Variants in CEP295 observed in about 807,000 individuals in gnomAD.
The protein encoded by CEP295 is centrosomal protein 295, also known as centrosomal protein of 295 kDa.
Under a neutral mutation model 291.6 loss-of-function variants are expected in CEP295, and 190 were observed. The observed-to-expected ratio is 0.65, with a 90% CI of 0.58 to 0.73. The LOEUF (loss-of-function observed/expected upper bound fraction) is 0.73. CEP295 is among the 30% of genes least tolerant of loss of function. The pLI, the probability that CEP295 is intolerant of heterozygous loss-of-function variation, is 0.00. For synonymous variants in CEP295, 993 were observed against 1,038.8 expected (o/e 0.96, Z 0.85); for missense variants, 2,863 against 2,949.4 (o/e 0.97, Z 0.68).
chr11:93,728,956 T>C, intron 25 of CEP295, 135 bp downstream of exon 25: 1 of 707,606 alleles, frequency 1.4e-6, no homozygotes, highest in Non-Finnish European at 2.2e-6. Context: ...CCACCAGCTC[T>C]CAATTTGTCT....
rs1233766685 is a variant in CEP295, at chr11:93,729,977, TA to T, written c.7667+10del. On this transcript the variant is annotated intron_variant, in intron 28 of 29. Coordinates refer to ENST00000325212, the MANE Select transcript of CEP295 (RefSeq NM_033395.2). ...GCACCAAAGGGGTCTAAGGTAGGGT[TA>T]ATTTTTTTTTTTTTTTTAGTGATTC... 4.7e-6 allele frequency: 7 copies of T among 1,487,706 alleles called. No individual in the cohort carries two copies. In the African/African-American group the frequency reaches 7.8e-5, roughly 17 times the overall value. 92.2% of individuals were successfully genotyped at this position (1,487,706 alleles called of 1,614,324 possible).
intron 18 of CEP295, among the ~76,000 whole-genome samples, chr11:93,720,489 A>AAAAAAG (rs34039567): frequency 0.34 from 41,582 of 121,232 alleles, 10,670 homozygotes; most frequent in South Asian, 0.48. Context: ...AAAAAAAAAA[A>AAAAAAG]ACTGTCTCTA....
rs1951315196 is a variant in CEP295, at chr11:93,687,723, A to G, written c.1194A>G (p.Lys398=). The change falls in exon 10 of 30, where the codon AAA becomes AAG. Residue 398 remains lysine, a synonymous_variant. Coordinates refer to ENST00000325212, the MANE Select transcript of CEP295 (RefSeq NM_033395.2). ...TATTAAATAAGATCCGAAGCCAAAA[A>G]TCTCTCTGGACAATTAAATCTATGT... The part of the protein sequence containing the change: ...KKLLNKIRSQ[K]SLWTIKSMSE... 3.2e-6 allele frequency: 5 copies of G among 1,549,474 alleles called. No homozygotes were observed. Among genetic ancestry groups the G allele is most frequent in the African/African-American group, 1.4e-5 (1 of 73,000 alleles).
At chr11:93,704,670 G>C in intron 17 of CEP295, among the ~76,000 whole-genome samples, 1 of 152,078 alleles carries the variant, frequency 6.6e-6, no homozygotes, top group Non-Finnish European at 1.5e-5. Flanking sequence ...AAGTGTCATT[G>C]GTTTGGTAAA....
intron 19 of CEP295, 140 bp downstream of exon 19, chr11:93,721,552 G>T (rs1953713553): frequency 1.3e-6 from 1 of 775,748 alleles, no homozygotes; most frequent in East Asian, 2.4e-5. Context: ...GATCAATGAT[G>T]AAACTAGCCA....
chr11:93,681,403 ATTTTTTTT>A (rs71064773), intron 7 of CEP295, among the ~76,000 whole-genome samples: 5 of 36,532 alleles, frequency 1.4e-4, no homozygotes, highest in Non-Finnish European at 1.7e-4. Flanking sequence ...CACCCAGCTA[ATTTTTTTT>A]TTTTTTTTTT....
At chr11:93,719,166 A>G (rs1953497565) in intron 18 of CEP295, among the ~76,000 whole-genome samples, 1 of 151,282 alleles carries the variant, frequency 6.6e-6, no homozygotes, top group Non-Finnish European at 1.5e-5. Flanking sequence ...ATCATAATAT[A>G]TATTATTTTA....
At position 93,696,846 on chromosome 11, in the gene CEP295, G is replaced by A. The variant is rs1391402773; in HGVS notation, c.1934G>A (p.Trp645Ter). The stretch of plus-strand genomic sequence containing the variant: ...AGACCGACTGCTATATCAGAGCATT[G>A]GGATCAAGGTCAGAGACTCAAGTTG... ...SERPTAISEHWDQGQRLKLSP... is the reference protein window; with the variant it reads ...SERPTAISEH The change falls in exon 15 of 30, where the codon TGG becomes TAG. Residue 645 changes from tryptophan (W) to a stop codon, truncating the protein, a stop_gained. Coordinates refer to ENST00000325212, the MANE Select transcript of CEP295 (RefSeq NM_033395.2). LOFTEE classifies it high-confidence loss of function. The A allele has an allele frequency of 6.4e-7, 1 of 1,551,492 alleles. No individual in the cohort carries two copies.
At chr11:93,690,195 A>G (rs1305715454) in intron 10 of CEP295, among the ~76,000 whole-genome samples, 2 of 152,228 alleles carry the variant, frequency 1.3e-5, no homozygotes, top group Non-Finnish European at 2.9e-5. Context: ...GCAGATGACG[A>G]GGTCAGGAGG....
At chr11:93,721,664 T>TGG (rs781362880) in intron 19 of CEP295, 16 of 629,730 alleles carry the variant, frequency 2.5e-5, no homozygotes, top group East Asian at 1.2e-4. Flanking sequence ...GGCATATGTC[T>TGG]GGTGTGTGTG....
At position 93,727,036 on chromosome 11, in the gene CEP295, A is replaced by C; in HGVS notation, c.6560A>C (p.His2187Pro). 6.4e-7 allele frequency: 1 copy of C among 1,551,210 alleles called. No individual in the cohort carries two copies. Among genetic ancestry groups the C allele is most frequent in the Non-Finnish European group, 8.7e-7 (1 of 1,146,734 alleles). Residue 2187 changes from histidine to proline, a missense_variant, in exon 24 of 30, where the codon CAT becomes CCT. Around this residue, in one of 3 missense-constraint regions of CEP295, gnomAD observed 2,295 missense variants for 2,335.7 expected, o/e 0.98. Coordinates refer to ENST00000325212, the MANE Select transcript of CEP295 (RefSeq NM_033395.2). ...TATTCTTCACAGGAGGAGAGCCAGC[A>C]TGCTGATCTACCAAGTATTTTTAGC... ...PEYSSQEESQ[H>P]ADLPSIFSIE...
chr11:93,699,952 C>A lies in CEP295; in HGVS notation c.5040C>A (p.Ala1680=), dbSNP rs556466157. The change falls in exon 15 of 30, where the codon GCC becomes GCA. Residue 1680 remains alanine, a synonymous_variant. Transcript: ENST00000325212. ...ATTCATCCCAGAATGAACATGCAGC[C>A]CCCCCAAGTAATCCTGTGATCCCAG... ...ELYSSQNEHA[A]PPSNPVIPGF... is the part of the protein sequence containing the mutation. 30 of 1,551,508 alleles carry A rather than the reference C, an allele frequency of 1.9e-5. No homozygotes were observed. The highest frequency in any genetic ancestry group is 2.4e-5 in the East Asian group (1 of 40,918).
intron 24 of CEP295, 124 bp from the exon 25 acceptor site, chr11:93,728,557 G>A: frequency 1.4e-6 from 1 of 701,602 alleles, no homozygotes; most frequent in South Asian, 2.4e-5. Flanking sequence ...GCCAATCATT[G>A]CTTTTCTTCC....
intron 9 of CEP295, among the ~76,000 whole-genome samples, chr11:93,686,332 G>C (rs1017334162): frequency 1.1e-4 from 15 of 134,458 alleles, no homozygotes; most frequent in Non-Finnish European, 1.6e-4. Flanking sequence ...AAAAAAAAAA[G>C]ATATTTTTAC....
intron 22 of CEP295, among the ~76,000 whole-genome samples, chr11:93,725,179 A>G (rs907492722): frequency 2.6e-5 from 4 of 151,808 alleles, no homozygotes; most frequent in Admixed American, 6.6e-5. Flanking sequence ...CCTGGGAGGC[A>G]GAGGTTGCAG....
rs1194044600 is a variant in CEP295 at position 93,700,175 on chromosome 11, A to G, written c.5263A>G (p.Lys1755Glu). The G allele has an allele frequency of 6.5e-7, 1 of 1,547,064 alleles. No individual in the cohort carries two copies. Among genetic ancestry groups the G allele is most frequent in the Non-Finnish European group, 8.7e-7 (1 of 1,145,578 alleles). Residue 1755 changes from lysine (K) to glutamate (E), a missense_variant, in exon 15 of 30, where the codon AAA (lysine) becomes GAA (glutamate). Coordinates refer to ENST00000325212, the MANE Select transcript of CEP295 (RefSeq NM_033395.2). Reference sequence around the variant, plus strand: ...TGAAGAGACTTTGAAGGATTTCTTTAAAGACAGTCAGGTATGTTTTAAACC... The same window carrying G: ...TGAAGAGACTTTGAAGGATTTCTTTGAAGACAGTCAGGTATGTTTTAAACC... ...KHEETLKDFFKDSQISKPTVE... is the reference protein window; with the variant it reads ...KHEETLKDFFEDSQISKPTVE...
rs949963480 is a variant in CEP295 at position 93,668,783 on chromosome 11, C to G, written c.310-25C>G. 1.2e-5 allele frequency: 17 copies of G among 1,458,132 alleles called. No homozygotes were observed. The Admixed American group carries it at 2.2e-4, about 19-fold the overall frequency. The allele number at this position is 1,458,132 out of a possible 1,614,324, so 90.3% of individuals were successfully genotyped here. A position where few individuals can be genotyped will look rare whatever the true frequency, so the allele number is the denominator to read the frequency against. ...TTTCTATTATTCTTGTTTAACATGA[C>G]ATTTTAAGTAATATATATTTTTAGG... On this transcript the variant is annotated intron_variant, in intron 3 of 29. Transcript: ENST00000325212.
intron 1 of CEP295, among the ~76,000 whole-genome samples, chr11:93,663,134 C>T (rs966689984): frequency 6.6e-5 from 10 of 152,180 alleles, no homozygotes; most frequent in African/African-American, 2.4e-4. Context: ...TCTTAATCTC[C>T]TGCATTCTGA....
intron 3 of CEP295, among the ~76,000 whole-genome samples, 200 bp from the exon 4 acceptor site, chr11:93,668,608 A>C (rs1343805926): frequency 6.6e-6 from 1 of 152,172 alleles, no homozygotes; most frequent in Non-Finnish European, 1.5e-5. Context: ...AATTGATTGC[A>C]TTAACTTTAC....
Sources: gnomAD v4.1 joint callset for allele counts (sites outside exome capture counted in the v4.1 genomes callset) on GRCh38, gnomAD v4.1.1 for gene constraint, gnomAD v4.1.1 regional missense constraint, MANE v1.5 for transcripts, NCBI Gene and HGNC (gene_info 2026-07-23, HGNC 2026-07-21) for gene names.